The following PRKAG2 variants were observed in gnomAD, a reference collection of about 807,000 sequenced individuals.
PRKAG2 encodes the protein protein kinase AMP-activated non-catalytic subunit gamma 2.
Under a neutral mutation model 69.6 loss-of-function variants are expected in PRKAG2, and 26 were observed. The ratio of observed to expected loss-of-function variants is 0.37; its 90% CI spans 0.27 to 0.52. The LOEUF (loss-of-function observed/expected upper bound fraction) is 0.52, where lower values mean the gene tolerates loss of function less well. Ranked by LOEUF, PRKAG2 falls within the 20% of genes least tolerant of loss-of-function variation. PRKAG2 has a pLI of 0.90. For synonymous variants in PRKAG2, 293 were observed against 285.0 expected (o/e 1.03, Z -0.28); for missense variants, 557 against 740.0 (o/e 0.75, Z 2.87).
rs1042008196 is a variant in PRKAG2 at position 151,756,262 on chromosome 7, C to T, written c.466+24890G>A. On this transcript the variant is annotated intron_variant, in intron 3 of 15. Transcript: ENST00000287878. This position sits in a 1 kb window ranked among gnomAD's most constrained non-coding sequence, Gnocchi z 4.9. ...ATGCCCCAGGAACACACACCACACA[C>T]GTGACTGCAACGAAGGAAGTGTGGG... Among the ~76,000 whole-genome samples, 2 of 152,190 alleles carry T rather than the reference C, an allele frequency of 1.3e-5. No homozygotes were observed. Among genetic ancestry groups the T allele is most frequent in the Non-Finnish European group, 2.9e-5 (2 of 68,036 alleles).
chr7:151,696,196 G>A (rs931912860), intron 3 of PRKAG2, among the ~76,000 whole-genome samples: 8 of 152,094 alleles, frequency 5.3e-5, no homozygotes, highest in South Asian at 2.1e-4. Flanking sequence ...CTCCTTATTC[G>A]TTAAAATTCA....
At chr7:151,751,391 G>C (rs563891001) in intron 3 of PRKAG2, among the ~76,000 whole-genome samples, 1 of 151,620 alleles carries the variant, frequency 6.6e-6, no homozygotes, top group African/African-American at 2.4e-5. Context: ...TGGGATTACA[G>C]GTTTAGTAAG....
intron 3 of PRKAG2, among the ~76,000 whole-genome samples, chr7:151,745,857 C>T (rs925216497): frequency 2.0e-5 from 3 of 152,168 alleles, no homozygotes; most frequent in South Asian, 2.1e-4. Context: ...AGTCCCTTCT[C>T]GTGGTGCCTG....
At chr7:151,701,986 G>C (rs749916071) in intron 3 of PRKAG2, among the ~76,000 whole-genome samples, 1 of 152,198 alleles carries the variant, frequency 6.6e-6, no homozygotes, top group African/African-American at 2.4e-5. Context: ...AGAACTGTGA[G>C]AGAGTCAGTT....
chr7:151,576,295 G>A, intron 7 of PRKAG2, 76 bp downstream of exon 7: 1 of 1,269,970 alleles, frequency 7.9e-7, no homozygotes, highest in Admixed American at 1.9e-5. Context: ...TTCCAAACCG[G>A]CATCTATTAA....
intron 3 of PRKAG2, among the ~76,000 whole-genome samples, chr7:151,773,042 AGAGAGAGAGAGGGAGGGAGGGAGGGAGG>A (rs1183626087): frequency 6.4e-4 from 21 of 32,944 alleles, no homozygotes; most frequent in Admixed American, 3.1e-3. Context: ...AGAGAGAGAG[AGAGAGAGAGAGGGAGGGAGGGAGGGAGG>A]GAGGGAGGGA....
chr7:151,767,071 G>A (rs561140047), intron 3 of PRKAG2, among the ~76,000 whole-genome samples: 2 of 152,286 alleles, frequency 1.3e-5, no homozygotes, highest in South Asian at 4.1e-4. Context: ...TAGAAAAAGG[G>A]GAAATTTGAA....
chr7:151,580,031 A>G (rs1349057974), intron 6 of PRKAG2, among the ~76,000 whole-genome samples: 1 of 152,330 alleles, frequency 6.6e-6, no homozygotes, highest in Non-Finnish European at 1.5e-5. Flanking sequence ...AATTGTCACC[A>G]ACCAACCAGC....
Position 151,836,730 on chromosome 7 carries a change from C to T in PRKAG2, c.114+39777G>A, listed in dbSNP as rs1352767889. On this transcript the variant is annotated intron_variant, in intron 1 of 15. Transcript: ENST00000287878. This position sits in a 1 kb window ranked among gnomAD's most constrained non-coding sequence, Gnocchi z 4.1. ...AGGCCACAGCTCCTGGGCTGGAGAA[C>T]TGTGAGGTAGGACCTAGCCCCTCGG... Among the ~76,000 whole-genome samples, 1 of 152,212 alleles carries T rather than the reference C, an allele frequency of 6.6e-6. No individual in the cohort carries two copies. Among genetic ancestry groups the T allele is most frequent in the South Asian group, 2.1e-4 (1 of 4,830 alleles).
intron 2 of PRKAG2, 101 bp downstream of exon 2, chr7:151,786,369 G>A: frequency 1.7e-6 from 2 of 1,154,068 alleles, no homozygotes; most frequent in Admixed American, 2.0e-5. Flanking sequence ...ACATGCGGGT[G>A]GGCGTGAGGG....
intron 6 of PRKAG2, among the ~76,000 whole-genome samples, chr7:151,588,410 G>C (rs988618141): frequency 6.6e-6 from 1 of 151,612 alleles, no homozygotes; most frequent in Non-Finnish European, 1.5e-5. Flanking sequence ...CGCCCAGGCT[G>C]GTGTGCAAGT....
chr7:151,846,559 C>T (rs2079437219), intron 1 of PRKAG2, among the ~76,000 whole-genome samples: 2 of 152,226 alleles, frequency 1.3e-5, no homozygotes, highest in Non-Finnish European at 1.5e-5. Context: ...TGGAACTACC[C>T]TATCCCACAA....
At chr7:151,688,047 C>CA (rs1585773310) in intron 3 of PRKAG2, among the ~76,000 whole-genome samples, 1 of 143,086 alleles carries the variant, frequency 7.0e-6, no homozygotes, top group African/African-American at 2.6e-5. Flanking sequence ...ATGAGGCCCC[C>CA]CCCCGGGCTC....
At chr7:151,851,362 A>T (rs1586721200) in intron 1 of PRKAG2, among the ~76,000 whole-genome samples, 1 of 152,168 alleles carries the variant, frequency 6.6e-6, no homozygotes, top group Middle Eastern at 3.4e-3. Context: ...AAGAAAAAAA[A>T]AAATCACTTC....
chr7:151,860,580 C>G (rs1336351385), intron 1 of PRKAG2, among the ~76,000 whole-genome samples: 1 of 152,128 alleles, frequency 6.6e-6, no homozygotes, highest in Non-Finnish European at 1.5e-5. Flanking sequence ...CCACCCCACC[C>G]GAGGCCCACT....
intron 4 of PRKAG2, among the ~76,000 whole-genome samples, chr7:151,641,612 A>C (rs1373922146): frequency 6.6e-6 from 1 of 151,434 alleles, no homozygotes; most frequent in Non-Finnish European, 1.5e-5. Flanking sequence ...TGGCACAATC[A>C]TAGCTCACTG....
intron 3 of PRKAG2, among the ~76,000 whole-genome samples, chr7:151,721,157 C>T (rs1797027072): frequency 1.3e-5 from 2 of 151,928 alleles, no homozygotes; most frequent in Admixed American, 1.3e-4. Context: ...GCCACCTACC[C>T]AGGCATGGGA....
intron 3 of PRKAG2, among the ~76,000 whole-genome samples, chr7:151,750,139 T>C (rs1028190731): frequency 6.9e-6 from 1 of 144,430 alleles, no homozygotes; most frequent in African/African-American, 2.6e-5. Flanking sequence ...TTGGCAAGGA[T>C]ATGGAGAAAC....
intron 3 of PRKAG2, among the ~76,000 whole-genome samples, chr7:151,755,842 G>A (rs1431954883): frequency 6.6e-6 from 1 of 152,206 alleles, no homozygotes; most frequent in Non-Finnish European, 1.5e-5. Context: ...CCCCTCACGA[G>A]CCTTCCCAGT....
Sources: allele counts gnomAD v4.1 joint callset (sites outside exome capture counted in the v4.1 genomes callset), GRCh38; gene constraint gnomAD v4.1.1; non-coding constraint Gnocchi (gnomAD v3.1); transcripts MANE v1.5; gene names NCBI Gene and HGNC (gene_info 2026-07-23, HGNC 2026-07-21).